The following FIRRM variants were observed in gnomAD, a reference collection of about 807,000 sequenced individuals.
FIRRM encodes FIGNL1-interacting regulator of recombination and mitosis.
the FIRRM span, among the ~76,000 whole-genome samples, chr1:169,821,367 A>T: frequency 2.6e-5 from 4 of 152,284 alleles, no homozygotes; most frequent in African/African-American, 9.6e-5. Context: ...CATGTAACAA[A>T]GAATAAGGTA....
At chr1:169,837,658 G>A in the FIRRM span, among the ~76,000 whole-genome samples, 2 of 152,274 alleles carry the variant, frequency 1.3e-5, no homozygotes, top group Admixed American at 1.3e-4. Flanking sequence ...TATATTTGGA[G>A]TACTTTTATG....
At chr1:169,844,806 C>A in the FIRRM span, among the ~76,000 whole-genome samples, 1 of 152,016 alleles carries the variant, frequency 6.6e-6, no homozygotes, top group African/African-American at 2.4e-5. Context: ...TCTAAAATTT[C>A]TAAATAAGTA....
the FIRRM span, among the ~76,000 whole-genome samples, chr1:169,797,384 C>T: frequency 1.7e-3 from 255 of 152,298 alleles, no homozygotes; most frequent in African/African-American, 6.0e-3. Context: ...AATTTTGGAA[C>T]AGCTGGTAAT....
the FIRRM span, chr1:169,852,528 T>C: frequency 2.1e-6 from 1 of 474,580 alleles, no homozygotes; most frequent in African/African-American, 1.9e-5. Flanking sequence ...CACTTCTCAT[T>C]GGGAGCCCTT....
the FIRRM span, chr1:169,823,332 G>A: frequency 1.3e-6 from 1 of 769,140 alleles, no homozygotes; most frequent in Non-Finnish European, 2.1e-6. Context: ...ATGTTATTTT[G>A]CATACCTTTG....
At chr1:169,789,126 T>A in the FIRRM span, among the ~76,000 whole-genome samples, 2 of 152,184 alleles carry the variant, frequency 1.3e-5, no homozygotes, top group Non-Finnish European at 2.9e-5. Flanking sequence ...TGTGTACTTT[T>A]ACCCAAAGAA....
the FIRRM span, among the ~76,000 whole-genome samples, chr1:169,848,688 G>A: frequency 6.6e-6 from 1 of 152,104 alleles, no homozygotes; most frequent in South Asian, 2.1e-4. Flanking sequence ...AAAGACACTT[G>A]GCATCTGAGC....
the FIRRM span, chr1:169,852,560 T>C: frequency 5.5e-6 from 3 of 545,118 alleles, no homozygotes; most frequent in South Asian, 4.6e-5. Flanking sequence ...ACTTGTTGTA[T>C]ACCACATACA....
the FIRRM span, among the ~76,000 whole-genome samples, chr1:169,785,912 T>C: frequency 1.3e-5 from 2 of 152,240 alleles, no homozygotes; most frequent in Admixed American, 1.3e-4. Context: ...GGTTTTTATA[T>C]TTGCTTTTGT....
the FIRRM span, chr1:169,847,603 C>T: frequency 1.0e-6 from 1 of 968,854 alleles, no homozygotes; most frequent in East Asian, 2.5e-5. Context: ...CCCCTCCCCA[C>T]ATTTCCATCC....
At chr1:169,852,692 C>CT in the FIRRM span, 1 of 1,249,476 alleles carries the variant, frequency 8.0e-7, no homozygotes, top group Non-Finnish European at 1.1e-6. Context: ...GATCCAATGA[C>CT]TAGAATAAAA....
the FIRRM span, chr1:169,853,549 A>ACAGT: frequency 2.2e-5 from 15 of 696,720 alleles, no homozygotes; most frequent in Non-Finnish European, 3.6e-5. Flanking sequence ...GCCAGCACTC[A>ACAGT]CAGTCAGTCT....
At chr1:169,795,892 GCT>G in the FIRRM span, 1 of 985,370 alleles carries the variant, frequency 1.0e-6, no homozygotes, top group Non-Finnish European at 1.2e-6. Context: ...GATTTGAGGC[GCT>G]TAGCGCCTTC....
At chr1:169,847,522 C>A in the FIRRM span, among the ~76,000 whole-genome samples, 3 of 151,914 alleles carry the variant, frequency 2.0e-5, no homozygotes, top group Admixed American at 1.3e-4. Flanking sequence ...ATAGGATTGT[C>A]TTATTTAAAT....
At chr1:169,849,366 A>G in the FIRRM span, 10 of 631,126 alleles carry the variant, frequency 1.6e-5, no homozygotes, top group Admixed American at 1.9e-4. Flanking sequence ...ACATTACCTA[A>G]TATGTTTTAG....
chr1:169,785,533 T>C, the FIRRM span, among the ~76,000 whole-genome samples: 2 of 152,118 alleles, frequency 1.3e-5, no homozygotes, highest in Admixed American at 1.3e-4. Flanking sequence ...GATATTCTCC[T>C]GGAGTTTGGC....
chr1:169,850,344 A>G, the FIRRM span: 1 of 1,599,242 alleles, frequency 6.3e-7, no homozygotes, highest in Non-Finnish European at 8.6e-7. Context: ...TTTCTGGAGA[A>G]GGTACTTTCT....
chr1:169,801,588 C>A, the FIRRM span, among the ~76,000 whole-genome samples: 1 of 126,116 alleles, frequency 7.9e-6, no homozygotes. Flanking sequence ...CAGAGTGAAA[C>A]CCTTAATTCA....
At chr1:169,839,088 T>C in the FIRRM span, among the ~76,000 whole-genome samples, 1 of 152,218 alleles carries the variant, frequency 6.6e-6, no homozygotes, top group African/African-American at 2.4e-5. Context: ...AGCCGCTCTC[T>C]GTTGCTGCAA....
Sources: gnomAD v4.1 joint callset for allele counts (sites outside exome capture counted in the v4.1 genomes callset) on GRCh38, gnomAD v4.1.1 for gene constraint, MANE v1.5 for transcripts, NCBI Gene and HGNC (gene_info 2026-07-23, HGNC 2026-07-21) for gene names.